EIF2AK3: variants seen among roughly 807,000 people sequenced by gnomAD.
EIF2AK3 encodes eukaryotic translation initiation factor 2 alpha kinase 3.
In EIF2AK3, 50 loss-of-function variants were observed where a neutral mutation model predicts 113.5. The ratio of observed to expected loss-of-function variants is 0.44; its 90% CI spans 0.35 to 0.56. The LOEUF (loss-of-function observed/expected upper bound fraction) is 0.56, where lower values mean the gene tolerates loss of function less well. Ranked by LOEUF, EIF2AK3 falls within the 20% of genes least tolerant of loss-of-function variation. The pLI is 0.00. For missense variants in EIF2AK3, 1,185 were observed against 1,378.0 expected (o/e 0.86, Z 2.22); for synonymous variants, 448 against 495.4 (o/e 0.90, Z 1.27).
At chr2:88,558,864 C>G in intron 16 of EIF2AK3, 53 bp downstream of exon 16, 1 of 1,429,810 alleles carries the variant, frequency 7.0e-7, no homozygotes, top group Non-Finnish European at 9.8e-7. Context: ...CTAAGGACCG[C>G]TTACGTTCTA....
chr2:88,602,626 C>T (rs770811743), intron 2 of EIF2AK3, among the ~76,000 whole-genome samples: 1 of 152,096 alleles, frequency 6.6e-6, no homozygotes, highest in African/African-American at 2.4e-5. Flanking sequence ...AACATTCTTA[C>T]AATATTTACA....
At chr2:88,609,063 AC>A (rs1675367289) in intron 2 of EIF2AK3, among the ~76,000 whole-genome samples, 1 of 150,500 alleles carries the variant, frequency 6.6e-6, no homozygotes, top group African/African-American at 2.4e-5. Context: ...GTTTTGTCCA[AC>A]TTTTTTTTTT....
intron 15 of EIF2AK3, among the ~76,000 whole-genome samples, chr2:88,559,755 CA>C (rs2104381822): frequency 6.6e-6 from 1 of 152,248 alleles, no homozygotes; most frequent in East Asian, 1.9e-4. Flanking sequence ...AGCATGTTTT[CA>C]AGATTCATCT....
chr2:88,579,872 A>C, intron 10 of EIF2AK3: 1 of 436,846 alleles, frequency 2.3e-6, no homozygotes, highest in Non-Finnish European at 4.2e-6. Context: ...AGACATGTTT[A>C]ATTGGGAATC....
At position 88,556,860 on chromosome 2, in the gene EIF2AK3, AAAACAT is replaced by A. The variant is rs565147927; in HGVS notation, c.*870_*875del. 21 of 152,366 alleles carry A rather than the reference AAAACAT, an allele frequency of 1.4e-4. No individual in the cohort carries two copies. In the South Asian group the frequency reaches 4.1e-3, roughly 30 times the overall value. 9.4% of individuals were successfully genotyped at this position (152,366 alleles called of 1,614,324 possible). ...GATTGATTTCAGAATTTTTATAAAT[AAAACAT>A]AAACATATTTACAGTGAAAAATAAA... On this transcript the variant is annotated 3_prime_UTR_variant, in exon 17 of 17. Coordinates refer to ENST00000303236, the MANE Select transcript of EIF2AK3 (RefSeq NM_004836.7).
At chr2:88,626,198 T>G (rs1224543528) in intron 1 of EIF2AK3, among the ~76,000 whole-genome samples, 1 of 152,242 alleles carries the variant, frequency 6.6e-6, no homozygotes, top group Non-Finnish European at 1.5e-5. Flanking sequence ...AAGTAACATT[T>G]TTTGAATGCT....
At chr2:88,585,430 A>AGT (rs1393947867) in intron 9 of EIF2AK3, among the ~76,000 whole-genome samples, 3 of 152,096 alleles carry the variant, frequency 2.0e-5, no homozygotes, top group Non-Finnish European at 4.4e-5. Context: ...GGGAACCATT[A>AGT]GTATATAAGA....
chr2:88,558,236 C>T (rs999672082), intron 16 of EIF2AK3, among the ~76,000 whole-genome samples: 6 of 152,226 alleles, frequency 3.9e-5, no homozygotes, highest in Middle Eastern at 3.4e-3. Context: ...AAAACATGGA[C>T]AATTTTTGGG....
chr2:88,585,800 G>A lies in EIF2AK3; in HGVS notation c.1650+41C>T, dbSNP rs772283654. 10 of 1,586,172 alleles carry A rather than the reference G, an allele frequency of 6.3e-6. No individual in the cohort carries two copies. The Admixed American group carries it at 1.0e-4, about 16-fold the overall frequency. On this transcript the variant is annotated intron_variant, in intron 9 of 16. Transcript: ENST00000303236. The stretch of plus-strand genomic sequence containing the variant: ...ATGGGTTGAGAAGCAAATAGGAGGT[G>A]GGGAAGTGGAAACCAGACAGTAAGC...
At position 88,627,187 on chromosome 2, in the gene EIF2AK3, C is replaced by T. The variant is rs764363291; in HGVS notation, c.88G>A (p.Ala30Thr). ...LLGLAARTVA[A>T]GRARGLPAPT... The stretch of plus-strand genomic sequence containing the variant: ...GCTGGGAGGCCACGGGCGCGCCCCG[C>T]GGCCACCGTCCTTGCCGCGAGCCCC... The change falls in exon 1 of 17, where the codon GCG (alanine) becomes ACG (threonine). Residue 30 changes from alanine (A) to threonine (T), a missense_variant. Transcript: ENST00000303236. The T allele has an allele frequency of 2.8e-6, 4 of 1,447,586 alleles. No homozygotes were observed. In the South Asian group the frequency reaches 4.0e-5, roughly 15 times the overall value. The allele number at this position is 1,447,586 out of a possible 1,614,324, so 89.7% of individuals were successfully genotyped here. A position where few individuals can be genotyped will look rare whatever the true frequency, so the allele number is the denominator to read the frequency against.
At chr2:88,624,295 T>C (rs544088848) in intron 1 of EIF2AK3, among the ~76,000 whole-genome samples, 1 of 151,890 alleles carries the variant, frequency 6.6e-6, no homozygotes, top group East Asian at 2.0e-4. Context: ...CCCAGCCCCT[T>C]TCATTTTCAT....
intron 1 of EIF2AK3, 124 bp from the exon 2 acceptor site, chr2:88,613,977 T>G: frequency 1.2e-6 from 1 of 811,212 alleles, no homozygotes; most frequent in South Asian, 1.7e-5. Context: ...AGAGGGGGCC[T>G]TCTACCACTC....
intron 6 of EIF2AK3, among the ~76,000 whole-genome samples, chr2:88,589,493 C>A (rs1674827500): frequency 6.6e-6 from 1 of 151,822 alleles, no homozygotes; most frequent in South Asian, 2.1e-4. Flanking sequence ...TTTTTTAGAT[C>A]AGTTGTACAG....
chr2:88,608,329 G>A (rs372553277), intron 2 of EIF2AK3, among the ~76,000 whole-genome samples: 206 of 152,070 alleles, frequency 1.4e-3, no homozygotes, highest in African/African-American at 4.7e-3. Flanking sequence ...GAGTAGCTGG[G>A]ACGACTACTC....
chr2:88,589,473 C>T (rs2104435935), intron 6 of EIF2AK3, among the ~76,000 whole-genome samples: 1 of 151,924 alleles, frequency 6.6e-6, no homozygotes, highest in East Asian at 1.9e-4. Flanking sequence ...AGAAGCACAC[C>T]AGAGTTTTAT....
intron 15 of EIF2AK3, among the ~76,000 whole-genome samples, chr2:88,561,146 G>A (rs1400760080): frequency 6.6e-6 from 1 of 151,800 alleles, no homozygotes; most frequent in Non-Finnish European, 1.5e-5. Context: ...GTAGAGATGG[G>A]GTCTTACTAT....
Position 88,595,582 on chromosome 2 carries a change from C to T in EIF2AK3, c.520G>A (p.Val174Ile), listed in dbSNP as rs1395927778. ...WDQDRESMET[V>I]PFTVESLLES... Reference sequence around the variant, plus strand: ...AGAAGTGATTCAACTGTGAAAGGAACTGTTTCCATGCTTTCACGGTCTTGG... The same window carrying T: ...AGAAGTGATTCAACTGTGAAAGGAATTGTTTCCATGCTTTCACGGTCTTGG... The change falls in exon 3 of 17, where the codon GTT (valine) becomes ATT (isoleucine). Residue 174 changes from valine (V) to isoleucine (I), a missense_variant. Physicochemically the swap from Val to Ile is conservative, Grantham distance 29. Around this residue, in one of 3 missense-constraint regions of EIF2AK3, gnomAD observed 119 missense variants for 178.7 expected, o/e 0.67. Transcript: ENST00000303236. 1 of 1,613,834 alleles carries T rather than the reference C, an allele frequency of 6.2e-7. No individual in the cohort carries two copies. Among genetic ancestry groups the T allele is most frequent in the Non-Finnish European group, 8.5e-7 (1 of 1,179,912 alleles).
chr2:88,593,358 G>A lies in EIF2AK3; in HGVS notation c.681C>T (p.Asp227=), dbSNP rs151229339. Residue 227 remains aspartate, a synonymous_variant, in exon 4 of 17, where the codon GAC becomes GAT. Coordinates refer to ENST00000303236, the MANE Select transcript of EIF2AK3 (RefSeq NM_004836.7). ...SALGCRQWDS[D]EMEQEEDILL... ...GGATGTCTTCCTCTTGTTCCATTTC[G>A]TCACTATCCCATTGGCGACAACCCA... The A allele has an allele frequency of 4.5e-5, 72 of 1,613,720 alleles. No individual in the cohort carries two copies. The highest frequency in any genetic ancestry group is 1.9e-4 in the South Asian group (17 of 91,064).
At chr2:88,624,116 C>A (rs555255568) in intron 1 of EIF2AK3, among the ~76,000 whole-genome samples, 1 of 152,032 alleles carries the variant, frequency 6.6e-6, no homozygotes, top group Non-Finnish European at 1.5e-5. Context: ...CTCAGCCTCC[C>A]GAGTAGCTCG....
Sources: gnomAD v4.1 joint callset for allele counts (sites outside exome capture counted in the v4.1 genomes callset) on GRCh38, gnomAD v4.1.1 for gene constraint, gnomAD v4.1.1 regional missense constraint, MANE v1.5 for transcripts, NCBI Gene and HGNC (gene_info 2026-07-23, HGNC 2026-07-21) for gene names.